SND1: variants seen among roughly 807,000 people sequenced by gnomAD.
SND1 encodes staphylococcal nuclease domain-containing protein 1.
Under a neutral mutation model 121.7 loss-of-function variants are expected in SND1, and 38 were observed. That is an observed-to-expected ratio of 0.31 (90% CI 0.24 to 0.41). SND1 has a LOEUF of 0.41. Among genes scored for constraint, SND1 ranks in the 10% least tolerant of loss-of-function variants. The pLI, the probability that SND1 is intolerant of heterozygous loss-of-function variation, is 1.00. For missense variants in SND1, 868 were observed against 1,184.6 expected, an observed-to-expected ratio of 0.73 and a Z score of 3.92; for synonymous variants, 401 against 447.4, an observed-to-expected ratio of 0.90 and a Z score of 1.31.
chr7:127,993,453 C>T (rs543598044), intron 16 of SND1, among the ~76,000 whole-genome samples: 2 of 152,364 alleles, frequency 1.3e-5, no homozygotes, highest in East Asian at 3.9e-4. Flanking sequence ...CTGAGCAATG[C>T]ATGGATGCCT....
At chr7:127,783,976 G>A (rs1468036882) in intron 10 of SND1, among the ~76,000 whole-genome samples, 1 of 152,160 alleles carries the variant, frequency 6.6e-6, no homozygotes, top group Non-Finnish European at 1.5e-5. Flanking sequence ...ATGGATTAAT[G>A]TTACCACATC....
At chr7:127,744,048 A>AT (rs1479626909) in intron 10 of SND1, among the ~76,000 whole-genome samples, 1 of 152,170 alleles carries the variant, frequency 6.6e-6, no homozygotes, top group Admixed American at 6.5e-5. Flanking sequence ...TTTGTATGTG[A>AT]TTTTTAATGA....
intron 15 of SND1, among the ~76,000 whole-genome samples, chr7:127,957,981 C>T (rs1175323328): frequency 6.6e-6 from 1 of 152,202 alleles, no homozygotes; most frequent in African/African-American, 2.4e-5. Context: ...GGGTTACAGG[C>T]GTGTGCCACT....
chr7:127,743,931 A>G (rs1480566381), intron 10 of SND1, among the ~76,000 whole-genome samples: 2 of 152,090 alleles, frequency 1.3e-5, no homozygotes, highest in Non-Finnish European at 2.9e-5. Context: ...CCTGTATTTT[A>G]TCGACGGGCA....
chr7:127,957,538 T>C (rs1486641269), intron 15 of SND1, among the ~76,000 whole-genome samples: 1 of 152,216 alleles, frequency 6.6e-6, no homozygotes, highest in African/African-American at 2.4e-5. Flanking sequence ...CTATTCCACT[T>C]GTTATGTACC....
intron 9 of SND1, among the ~76,000 whole-genome samples, chr7:127,709,898 C>T (rs535215160): frequency 3.8e-4 from 58 of 151,996 alleles, no homozygotes; most frequent in Non-Finnish European, 6.3e-4. Flanking sequence ...CTTTAGCATT[C>T]GTTTTGCTTT....
At chr7:128,088,136 CA>C (rs1225821706) in intron 21 of SND1, among the ~76,000 whole-genome samples, 4 of 152,150 alleles carry the variant, frequency 2.6e-5, no homozygotes, top group Non-Finnish European at 5.9e-5. Context: ...GCAAGTATCA[CA>C]AAACACGTCG....
At chr7:127,721,518 T>A in intron 10 of SND1, 118 bp downstream of exon 10, 4 of 564,352 alleles carry the variant, frequency 7.1e-6, no homozygotes, top group Non-Finnish European at 1.3e-5. Context: ...GACAAGTATT[T>A]TAAATCTCCA....
At chr7:127,697,121 G>A (rs1289747963) in intron 3 of SND1, among the ~76,000 whole-genome samples, 2 of 152,152 alleles carry the variant, frequency 1.3e-5, no homozygotes, top group African/African-American at 4.8e-5. Flanking sequence ...TTATTGAAGA[G>A]ATGATTAGTT....
At chr7:128,017,730 C>T (rs1322632774) in intron 16 of SND1, among the ~76,000 whole-genome samples, 5 of 152,236 alleles carry the variant, frequency 3.3e-5, no homozygotes, top group African/African-American at 4.8e-5. Flanking sequence ...ATTTTGTAAA[C>T]TGCAGCAGCG....
At chr7:128,082,375 C>G (rs547321741) in intron 18 of SND1, among the ~76,000 whole-genome samples, 68 of 152,348 alleles carry the variant, frequency 4.5e-4, no homozygotes, top group African/African-American at 1.5e-3. Flanking sequence ...TGGCAGGACA[C>G]AGCTCTGCCC....
At chr7:127,679,945 T>C (rs1795685954) in intron 1 of SND1, among the ~76,000 whole-genome samples, 1 of 152,174 alleles carries the variant, frequency 6.6e-6, no homozygotes. Flanking sequence ...TTCTCTTGGA[T>C]ATATACTATC....
At chr7:127,962,093 C>T (rs1801745223) in intron 15 of SND1, among the ~76,000 whole-genome samples, 3 of 152,006 alleles carry the variant, frequency 2.0e-5, no homozygotes, top group Admixed American at 1.3e-4. Context: ...CTTGAGGTTA[C>T]TAAAAAGAAA....
At chr7:127,766,766 T>C (rs528560519) in intron 10 of SND1, among the ~76,000 whole-genome samples, 212 of 34,970 alleles carry the variant, frequency 6.1e-3, no homozygotes, top group African/African-American at 0.015. Context: ...AGCGAGACTT[T>C]GTCTCAAAAA....
At chr7:128,071,106 T>G (rs1468428844) in intron 16 of SND1, among the ~76,000 whole-genome samples, 1 of 152,226 alleles carries the variant, frequency 6.6e-6, no homozygotes, top group African/African-American at 2.4e-5. Context: ...AGAGCTGAAG[T>G]GCTGTCTAGT....
chr7:127,687,593 A>AGT (rs2116309027), intron 2 of SND1, among the ~76,000 whole-genome samples: 1 of 152,354 alleles, frequency 6.6e-6, no homozygotes, highest in East Asian at 1.9e-4. Context: ...CTTCTGAGTT[A>AGT]GTTCACTTAG....
chr7:127,764,045 A>AAC (rs1554422836), intron 10 of SND1, among the ~76,000 whole-genome samples: 1 of 146,442 alleles, frequency 6.8e-6, no homozygotes, highest in African/African-American at 2.5e-5. Context: ...TCGCAAAAAA[A>AAC]AAAAAAACAA....
intron 16 of SND1, among the ~76,000 whole-genome samples, chr7:128,018,550 G>C (rs1803278305): frequency 6.6e-6 from 1 of 152,208 alleles, no homozygotes; most frequent in Admixed American, 6.5e-5. Context: ...ACATTACCCT[G>C]CCGCTCTGGC....
At position 127,652,223 on chromosome 7, in the gene SND1, C is replaced by T. The variant is rs1409237029; in HGVS notation, c.-151C>T. On this transcript the variant is annotated 5_prime_UTR_variant, in exon 1 of 24. Coordinates refer to ENST00000354725, the MANE Select transcript of SND1 (RefSeq NM_014390.4). Reference sequence around the variant, plus strand: ...TTCGCTCCGTGTCCCGCTGCTGCTCCTGTGAGCGCCCGGCGAGTCCGTCCC... The same window carrying T: ...TTCGCTCCGTGTCCCGCTGCTGCTCTTGTGAGCGCCCGGCGAGTCCGTCCC... The T allele has an allele frequency of 2.8e-6, 2 of 711,472 alleles. No individual in the cohort carries two copies. Among genetic ancestry groups the T allele is most frequent in the Non-Finnish European group, 5.1e-6 (2 of 390,824 alleles). 44.1% of individuals were successfully genotyped at this position (711,472 alleles called of 1,614,324 possible).
Sources: gnomAD v4.1 joint callset for allele counts (sites outside exome capture counted in the v4.1 genomes callset) on GRCh38, gnomAD v4.1.1 for gene constraint, MANE v1.5 for transcripts, NCBI Gene and HGNC (gene_info 2026-07-23, HGNC 2026-07-21) for gene names.